Variants in CREB5 observed in about 807,000 individuals in gnomAD.
CREB5 encodes cAMP responsive element binding protein 5.
Under a neutral mutation model 57.1 loss-of-function variants are expected in CREB5, and 19 were observed. The observed-to-expected ratio is 0.33, with a 90% CI of 0.23 to 0.49. The LOEUF (loss-of-function observed/expected upper bound fraction) is 0.49, where lower values mean the gene tolerates loss of function less well. CREB5 is among the 20% of genes least tolerant of loss of function. The probability of loss-of-function intolerance (pLI) is 0.99; values close to 1 mark genes in which losing one functional copy is unlikely to be tolerated. For synonymous variants in CREB5, 238 were observed against 238.3 expected (o/e 1.00, Z 0.01); for missense variants, 579 against 671.6 (o/e 0.86, Z 1.52).
chr7:28,456,993 T>A (rs1400861849), intron 1 of CREB5, among the ~76,000 whole-genome samples: 1 of 152,202 alleles, frequency 6.6e-6, no homozygotes, highest in Non-Finnish European at 1.5e-5. Context: ...ATGGTGCTGT[T>A]ACATTTTGGG....
rs546767639 is a variant in CREB5, at chr7:28,699,138, G to GCTTC, written c.465-19595_465-19592dup. On this transcript the variant is annotated intron_variant, in intron 5 of 10. Transcript: ENST00000357727. ...ATTTAAGCCAGGATGACCAAGGTTT[G>GCTTC]CTTCCTTCCTTCCTTCCTTCCTTTC... Among the ~76,000 whole-genome samples, 1,280 of 150,560 alleles carry GCTTC rather than the reference G, an allele frequency of 8.5e-3. 26 individuals are homozygous for GCTTC. The highest frequency in any genetic ancestry group is 0.029 in the African/African-American group (1,181 of 41,078).
At chr7:28,675,078 A>G (rs930205788) in intron 5 of CREB5, among the ~76,000 whole-genome samples, 3 of 152,008 alleles carry the variant, frequency 2.0e-5, no homozygotes, top group African/African-American at 7.2e-5. Flanking sequence ...GCTCCTTCTC[A>G]CTAATCAATC....
At chr7:28,336,616 T>G (rs913136301) in intron 1 of CREB5, among the ~76,000 whole-genome samples, 8 of 152,008 alleles carry the variant, frequency 5.3e-5, no homozygotes, top group African/African-American at 1.9e-4. Context: ...GGTTTGTCAA[T>G]TTTGTTTATC....
chr7:28,462,093 C>T (rs1039267172), intron 1 of CREB5, among the ~76,000 whole-genome samples: 4 of 152,056 alleles, frequency 2.6e-5, no homozygotes, highest in African/African-American at 7.2e-5. Flanking sequence ...TCATAGCCCC[C>T]GGTAACCATT....
At chr7:28,536,410 C>T (rs1378335215) in intron 4 of CREB5, among the ~76,000 whole-genome samples, 1 of 152,186 alleles carries the variant, frequency 6.6e-6, no homozygotes, top group East Asian at 1.9e-4. Flanking sequence ...TTGCCAACTG[C>T]AGCGCTCCCT....
chr7:28,673,549 T>C (rs1004414273), intron 5 of CREB5, among the ~76,000 whole-genome samples: 2 of 152,114 alleles, frequency 1.3e-5, no homozygotes, highest in Non-Finnish European at 2.9e-5. Context: ...CTAAAGAAGG[T>C]CTACATCTCA....
At chr7:28,813,780 C>T (rs1809264247) in intron 9 of CREB5, among the ~76,000 whole-genome samples, 1 of 151,996 alleles carries the variant, frequency 6.6e-6, no homozygotes. Flanking sequence ...CTGCTTCATC[C>T]CAAGGCAAAC....
At chr7:28,644,710 G>T (rs1400361258) in intron 5 of CREB5, among the ~76,000 whole-genome samples, 7 of 149,588 alleles carry the variant, frequency 4.7e-5, no homozygotes, top group African/African-American at 1.8e-4. Flanking sequence ...AACCAGAAAG[G>T]TTCTAGTGCA....
chr7:28,816,060 C>T (rs917840713), intron 9 of CREB5, among the ~76,000 whole-genome samples: 1 of 147,404 alleles, frequency 6.8e-6, no homozygotes, highest in African/African-American at 2.5e-5. Context: ...TATACGCACA[C>T]ACACACACAC....
chr7:28,412,671 G>A lies in CREB5; in HGVS notation c.-244G>A, dbSNP rs373797933. On this transcript the variant is annotated 5_prime_UTR_variant, in exon 1 of 11. Coordinates refer to ENST00000357727, the MANE Select transcript of CREB5 (RefSeq NM_182898.4). ...CATTACTAAAAGAAACTTAGAGAAC[G>A]AGGGAGGTACCAGAGTCTAGGAGGT... The A allele has an allele frequency of 2.7e-6, 1 of 375,954 alleles. No homozygotes were observed. Among genetic ancestry groups the A allele is most frequent in the East Asian group, 3.8e-5 (1 of 26,136 alleles). 23.3% of individuals were successfully genotyped at this position (375,954 alleles called of 1,614,324 possible).
intron 7 of CREB5, among the ~76,000 whole-genome samples, chr7:28,787,603 G>A (rs1214863025): frequency 6.6e-6 from 1 of 152,154 alleles, no homozygotes; most frequent in Non-Finnish European, 1.5e-5. Context: ...GTTTTGCTCT[G>A]TTGCCGAGGC....
intron 1 of CREB5, among the ~76,000 whole-genome samples, chr7:28,461,919 C>A (rs10240628): frequency 6.6e-6 from 1 of 151,910 alleles, no homozygotes; most frequent in Non-Finnish European, 1.5e-5. Flanking sequence ...ATATAATTCA[C>A]GTATCATACA....
intron 1 of CREB5, among the ~76,000 whole-genome samples, chr7:28,359,529 G>T (rs539901220): frequency 6.6e-6 from 1 of 152,270 alleles, no homozygotes; most frequent in East Asian, 1.9e-4. Context: ...ACAGAAGAAC[G>T]AAATTGAACT....
intron 9 of CREB5, among the ~76,000 whole-genome samples, chr7:28,816,583 T>TTA (rs5883170): frequency 6.6e-5 from 10 of 151,662 alleles, no homozygotes; most frequent in Non-Finnish European, 1.5e-4. Flanking sequence ...TATTTTATTA[T>TTA]TTTTGTTATT....
At chr7:28,653,511 TGG>T (rs1799221405) in intron 5 of CREB5, among the ~76,000 whole-genome samples, 1 of 152,212 alleles carries the variant, frequency 6.6e-6, no homozygotes, top group Non-Finnish European at 1.5e-5. Flanking sequence ...TGTTACACTT[TGG>T]GAAAATGTGA....
At chr7:28,818,899 G>A in intron 10 of CREB5, 4 of 595,918 alleles carry the variant, frequency 6.7e-6, no homozygotes, top group South Asian at 5.5e-5. Context: ...GATACAGAAA[G>A]CATGGCTTTG....
chr7:28,740,275 A>G (rs1270022751), intron 7 of CREB5, among the ~76,000 whole-genome samples: 1 of 152,218 alleles, frequency 6.6e-6, no homozygotes, highest in Non-Finnish European at 1.5e-5. Context: ...TCTGAATTGT[A>G]TAATTCAGGT....
chr7:28,608,007 T>C (rs1797216736), intron 5 of CREB5, among the ~76,000 whole-genome samples: 2 of 151,970 alleles, frequency 1.3e-5, no homozygotes, highest in South Asian at 4.2e-4. Flanking sequence ...GTGAGCTTGG[T>C]TTATTAATCG....
At chr7:28,421,723 T>G (rs1039066552) in intron 1 of CREB5, among the ~76,000 whole-genome samples, 1 of 150,856 alleles carries the variant, frequency 6.6e-6, no homozygotes, top group Admixed American at 6.6e-5. Context: ...TTTTAAGAAA[T>G]TTACTTGATA....
Sources: gnomAD v4.1 joint callset for allele counts (sites outside exome capture counted in the v4.1 genomes callset) on GRCh38, gnomAD v4.1.1 for gene constraint, MANE v1.5 for transcripts, NCBI Gene and HGNC (gene_info 2026-07-23, HGNC 2026-07-21) for gene names.